Variants in GTSF1 observed in about 807,000 individuals in gnomAD.
GTSF1 encodes the protein gametocyte-specific factor 1.
GTSF1 carries 11 observed loss-of-function variants against 28.9 expected under a neutral mutation model. The ratio of observed to expected loss-of-function variants is 0.38; its 90% confidence interval spans 0.24 to 0.63. The LOEUF (loss-of-function observed/expected upper bound fraction) is 0.63. Among genes scored for constraint, GTSF1 ranks in the 30% least tolerant of loss-of-function variants. The pLI is 0.56. For synonymous variants in GTSF1, 69 were observed against 65.6 expected (o/e 1.05, Z -0.25); for missense variants, 146 against 201.0 (o/e 0.73, Z 1.66).
chr12:54,460,944 A>G (rs1956411178), intron 6 of GTSF1, among the ~76,000 whole-genome samples: 1 of 152,258 alleles, frequency 6.6e-6, no homozygotes, highest in South Asian at 2.1e-4. Context: ...CAGTAGTTAA[A>G]AAGTAAAAAT....
At chr12:54,462,273 T>G in intron 5 of GTSF1, 101 bp from the exon 6 acceptor site, 1 of 818,160 alleles carries the variant, frequency 1.2e-6, no homozygotes, top group South Asian at 1.5e-5. Context: ...CACCTAAGTT[T>G]TGCAGAAGCA....
intron 2 of GTSF1, among the ~76,000 whole-genome samples, chr12:54,467,375 C>T (rs1321725093): frequency 6.6e-6 from 1 of 150,580 alleles, no homozygotes; most frequent in Non-Finnish European, 1.5e-5. Flanking sequence ...AGTGCAGTTG[C>T]ACGATCTTGG....
At chr12:54,462,883 C>T (rs1341029141) in intron 4 of GTSF1, among the ~76,000 whole-genome samples, 158 bp from the exon 5 acceptor site, 4 of 152,104 alleles carry the variant, frequency 2.6e-5, no homozygotes, top group Admixed American at 2.0e-4. Context: ...TATCTCTTTG[C>T]TGACAGAAGA....
intron 1 of GTSF1, 80 bp from the exon 2 acceptor site, chr12:54,471,357 T>TTA: frequency 1.4e-5 from 13 of 944,302 alleles, no homozygotes; most frequent in Non-Finnish European, 2.0e-5. Context: ...GAGTCACTTC[T>TTA]GGATTTGAAA....
chr12:54,456,761 C>T (rs1019153012), intron 8 of GTSF1, among the ~76,000 whole-genome samples: 5 of 152,100 alleles, frequency 3.3e-5, no homozygotes, highest in South Asian at 2.1e-4. Context: ...TCCAAAGAAA[C>T]TAGAGAATTC....
chr12:54,468,247 C>T (rs1956548855), intron 2 of GTSF1, among the ~76,000 whole-genome samples: 1 of 151,734 alleles, frequency 6.6e-6, no homozygotes, highest in Non-Finnish European at 1.5e-5. Context: ...CTTGTGCCTC[C>T]ACCCCGCAAG....
intron 1 of GTSF1, among the ~76,000 whole-genome samples, chr12:54,473,080 T>G (rs1956610308): frequency 6.6e-6 from 1 of 152,140 alleles, no homozygotes; most frequent in South Asian, 2.1e-4. Context: ...CGTGTCTGTT[T>G]TAAGTATCTT....
intron 3 of GTSF1, 112 bp downstream of exon 3, chr12:54,464,955 C>A: frequency 1.6e-6 from 1 of 640,668 alleles, no homozygotes; most frequent in Non-Finnish European, 2.7e-6. Context: ...GAGGTAGATT[C>A]CCAAAACAAT....
chr12:54,457,231 T>C (rs1280570141), intron 8 of GTSF1, among the ~76,000 whole-genome samples: 1 of 152,246 alleles, frequency 6.6e-6, no homozygotes, highest in Admixed American at 6.5e-5. Context: ...ATTTTTAGTG[T>C]GTAAGGAGTT....
At chr12:54,473,355 A>G (rs1166710153) in intron 1 of GTSF1, among the ~76,000 whole-genome samples, 191 bp downstream of exon 1, 1 of 152,160 alleles carries the variant, frequency 6.6e-6, no homozygotes, top group African/African-American at 2.4e-5. Context: ...AAAAAAACAT[A>G]GAAAAGGCGC....
At chr12:54,459,763 G>T in intron 7 of GTSF1, among the ~76,000 whole-genome samples, 1 of 92,590 alleles carries the variant, frequency 1.1e-5, no homozygotes, top group Non-Finnish European at 2.0e-5. Context: ...GTCTCGCTCT[G>T]TCGCCCAGGC....
intron 1 of GTSF1, chr12:54,472,329 T>C (rs1956604127): frequency 6.6e-6 from 1 of 152,208 alleles, no homozygotes; most frequent in Admixed American, 6.5e-5. Flanking sequence ...CTCATCCCAA[T>C]CTTCAGTGCT....
intron 2 of GTSF1, among the ~76,000 whole-genome samples, chr12:54,467,473 C>A (rs781079635): frequency 1.1e-4 from 17 of 151,948 alleles, no homozygotes; most frequent in Non-Finnish European, 4.4e-5. Context: ...CACCACCAAG[C>A]TCAGCTAATT....
chr12:54,468,255 A>G (rs1468211525), intron 2 of GTSF1, among the ~76,000 whole-genome samples: 1 of 151,720 alleles, frequency 6.6e-6, no homozygotes, highest in Non-Finnish European at 1.5e-5. Flanking sequence ...TCCACCCCGC[A>G]AGTAGCTGGG....
intron 2 of GTSF1, among the ~76,000 whole-genome samples, chr12:54,467,480 A>G (rs1956536368): frequency 6.6e-6 from 1 of 151,924 alleles, no homozygotes; most frequent in South Asian, 2.1e-4. Context: ...AAGCTCAGCT[A>G]ATTTTTGTAT....
intron 1 of GTSF1, among the ~76,000 whole-genome samples, chr12:54,473,065 T>C (rs934201333): frequency 2.6e-5 from 4 of 152,150 alleles, no homozygotes; most frequent in Non-Finnish European, 4.4e-5. Flanking sequence ...GTACCATCAC[T>C]TAGCCGTGTC....
chr12:54,465,853 G>A (rs976340400), intron 2 of GTSF1, among the ~76,000 whole-genome samples: 3 of 152,110 alleles, frequency 2.0e-5, no homozygotes, highest in Admixed American at 1.3e-4. Context: ...ACTCCTATAA[G>A]TAGTTCCTAA....
chr12:54,471,884 C>CA (rs1025435779), intron 1 of GTSF1: 59 of 151,182 alleles, frequency 3.9e-4, no homozygotes, highest in African/African-American at 1.3e-3. Flanking sequence ...CCCCCAAAAA[C>CA]AAACAAACAA....
chr12:54,473,244 G>C (rs1030207173), intron 1 of GTSF1, among the ~76,000 whole-genome samples: 1 of 151,896 alleles, frequency 6.6e-6, no homozygotes, highest in African/African-American at 2.4e-5. Context: ...CTTAGTAAAA[G>C]AATCATTTTT....
Sources: gnomAD v4.1 joint callset for allele counts (sites outside exome capture counted in the v4.1 genomes callset) on GRCh38, gnomAD v4.1.1 for gene constraint, MANE v1.5 for transcripts, NCBI Gene and HGNC (gene_info 2026-07-23, HGNC 2026-07-21) for gene names.